CCDC85A: variants seen among roughly 807,000 people sequenced by gnomAD.
The protein encoded by CCDC85A is coiled-coil domain-containing protein 85A.
CCDC85A carries 38 observed loss-of-function variants against 50.2 expected under a neutral mutation model. The ratio of observed to expected loss-of-function variants is 0.76; its 90% CI spans 0.58 to 0.99. The LOEUF (loss-of-function observed/expected upper bound fraction) is 0.99, where lower values mean the gene tolerates loss of function less well. Among genes scored for constraint, CCDC85A ranks in the 50% least tolerant of loss-of-function variants. The pLI is 0.00. For synonymous variants in CCDC85A, 366 were observed against 301.4 expected, an observed-to-expected ratio of 1.21 and a Z score of -2.22; for missense variants, 820 against 742.0, an observed-to-expected ratio of 1.11 and a Z score of -1.22.
chr2:56,185,373 G>A (rs1286633931), intron 1 of CCDC85A, among the ~76,000 whole-genome samples: 5 of 152,064 alleles, frequency 3.3e-5, no homozygotes, highest in Admixed American at 6.5e-5. Context: ...AGGGAGAGCG[G>A]CTGGCGGGGC....
chr2:56,339,922 C>A (rs749521008), intron 2 of CCDC85A, among the ~76,000 whole-genome samples: 4 of 152,074 alleles, frequency 2.6e-5, no homozygotes, highest in Non-Finnish European at 5.9e-5. Context: ...TTGGAAGAGT[C>A]CATAAAGCAG....
At chr2:56,285,071 A>G (rs1035655983) in intron 2 of CCDC85A, among the ~76,000 whole-genome samples, 3 of 151,256 alleles carry the variant, frequency 2.0e-5, no homozygotes, top group South Asian at 2.1e-4. Context: ...TGCTTTTTGA[A>G]TAGAGTTTTG....
intron 2 of CCDC85A, among the ~76,000 whole-genome samples, chr2:56,214,574 TG>T (rs1677316010): frequency 6.6e-6 from 1 of 150,914 alleles, no homozygotes; most frequent in South Asian, 2.1e-4. Context: ...AATAATTGTG[TG>T]TTTTTTTTGG....
intron 2 of CCDC85A, among the ~76,000 whole-genome samples, chr2:56,313,490 G>C (rs1672786428): frequency 6.6e-6 from 1 of 152,050 alleles, no homozygotes; most frequent in Admixed American, 6.6e-5. Context: ...TTGATTTTAG[G>C]CCAGTCAAGC....
At chr2:56,383,640 TG>T in intron 5 of CCDC85A, 1 of 985,128 alleles carries the variant, frequency 1.0e-6, no homozygotes. Context: ...TCATATTGCT[TG>T]GTAGCTAAGA....
chr2:56,184,334 C>G lies in CCDC85A; in HGVS notation c.-291C>G. On this transcript the variant is annotated 5_prime_UTR_variant, in exon 1 of 6. Coordinates refer to ENST00000407595, the MANE Select transcript of CCDC85A (RefSeq NM_001080433.2). ...CCCCGAGGATTTCCCGCGGCAGCCC[C>G]GGGCTCCCCAGTGCCCCTCACCATG... The G allele has an allele frequency of 1.1e-5, 6 of 545,510 alleles. No homozygotes were observed. The highest frequency in any genetic ancestry group is 1.5e-5 in the Non-Finnish European group (6 of 392,196). 33.8% of individuals were successfully genotyped at this position (545,510 alleles called of 1,614,324 possible).
intron 2 of CCDC85A, among the ~76,000 whole-genome samples, chr2:56,248,311 C>T (rs1262076535): frequency 6.6e-6 from 1 of 152,162 alleles, no homozygotes; most frequent in Non-Finnish European, 1.5e-5. Flanking sequence ...TCCAGCCTTG[C>T]TTACTTCTGT....
intron 2 of CCDC85A, among the ~76,000 whole-genome samples, chr2:56,305,103 A>C (rs75605372): frequency 9.0e-6 from 1 of 111,024 alleles, no homozygotes; most frequent in East Asian, 2.0e-4. Flanking sequence ...ACTCTGCCTC[A>C]AAAAAAAAAA....
intron 2 of CCDC85A, among the ~76,000 whole-genome samples, chr2:56,245,946 T>A (rs1183248948): frequency 6.6e-6 from 1 of 152,198 alleles, no homozygotes; most frequent in Non-Finnish European, 1.5e-5. Context: ...TTACCGAGTC[T>A]CAGGTATTCT....
intron 2 of CCDC85A, among the ~76,000 whole-genome samples, chr2:56,342,511 A>G (rs1377557012): frequency 4.6e-5 from 7 of 152,124 alleles, no homozygotes; most frequent in Admixed American, 4.6e-4. Flanking sequence ...TGCTTCTCTT[A>G]GGTTTATTTG....
intron 2 of CCDC85A, among the ~76,000 whole-genome samples, chr2:56,206,905 A>T (rs1676985249): frequency 1.3e-5 from 2 of 152,188 alleles, no homozygotes; most frequent in Non-Finnish European, 2.9e-5. Context: ...TGAAGGAGTC[A>T]TCAGTTAAGA....
chr2:56,385,296 T>A lies in CCDC85A; in HGVS notation c.*941T>A, dbSNP rs1406797930. The A allele has an allele frequency of 6.6e-6, 1 of 152,400 alleles. No homozygotes were observed. Among genetic ancestry groups the A allele is most frequent in the South Asian group, 2.1e-4 (1 of 4,828 alleles). 9.4% of individuals were successfully genotyped at this position (152,400 alleles called of 1,614,324 possible). On this transcript the variant is annotated 3_prime_UTR_variant, in exon 6 of 6. Transcript: ENST00000407595. ...ATTGCACTGCATTTATGAAAAAAGC[T>A]TTCTTTGCCTACTGCAGCTATCTAA...
chr2:56,363,107 A>AT (rs906932746), intron 3 of CCDC85A, among the ~76,000 whole-genome samples: 10 of 152,034 alleles, frequency 6.6e-5, no homozygotes, highest in Non-Finnish European at 1.2e-4. Context: ...TTTCCATCGT[A>AT]TTTTTTTTAT....
rs752700528 is a variant in CCDC85A, at chr2:56,192,865, C to G, written c.665C>G (p.Pro222Arg). 15 of 1,612,968 alleles carry G rather than the reference C, an allele frequency of 9.3e-6. No homozygotes were observed. Among genetic ancestry groups the G allele is most frequent in the Non-Finnish European group, 1.2e-5 (14 of 1,179,592 alleles). Residue 222 changes from proline (P) to arginine (R), a missense_variant, in exon 2 of 6, where the codon CCG (proline) becomes CGG (arginine). Transcript: ENST00000407595. This position sits in a 1 kb window ranked among gnomAD's most constrained non-coding sequence, Gnocchi z 4.7. ...STSSTGSTDS[P>R]DHHKHHASSG... is the part of the protein sequence containing the mutation. ...TCCAGCACTGGCAGCACTGACAGCC[C>G]GGACCACCACAAGCACCACGCGAGC...
chr2:56,380,813 T>A (rs1428527230), intron 5 of CCDC85A, among the ~76,000 whole-genome samples: 4 of 152,214 alleles, frequency 2.6e-5, no homozygotes, highest in East Asian at 1.9e-4. Flanking sequence ...AAATGGAATA[T>A]TATAGAGGAA....
At chr2:56,313,394 G>T (rs1291788488) in intron 2 of CCDC85A, among the ~76,000 whole-genome samples, 2 of 152,062 alleles carry the variant, frequency 1.3e-5, no homozygotes, top group African/African-American at 2.4e-5. Flanking sequence ...TTCAGTAAAG[G>T]TAATTGAATC....
intron 3 of CCDC85A, among the ~76,000 whole-genome samples, chr2:56,348,636 A>G (rs908102790): frequency 6.6e-6 from 1 of 152,216 alleles, no homozygotes; most frequent in Non-Finnish European, 1.5e-5. Context: ...AGTGCTGAGA[A>G]GGGTACGTAG....
intron 2 of CCDC85A, among the ~76,000 whole-genome samples, chr2:56,268,937 T>C (rs1212882241): frequency 6.6e-6 from 1 of 152,188 alleles, no homozygotes; most frequent in Non-Finnish European, 1.5e-5. Flanking sequence ...TGCGTACATT[T>C]TTAGGATTGC....
intron 2 of CCDC85A, among the ~76,000 whole-genome samples, chr2:56,325,715 TTCTG>T (rs1054778113): frequency 6.6e-6 from 1 of 152,134 alleles, no homozygotes; most frequent in African/African-American, 2.4e-5. Context: ...TGTCATTGTC[TTCTG>T]TCTACCTCTG....
Sources: gnomAD v4.1 joint callset for allele counts (sites outside exome capture counted in the v4.1 genomes callset) on GRCh38, gnomAD v4.1.1 for gene constraint, Gnocchi (gnomAD v3.1) non-coding constraint, MANE v1.5 for transcripts, NCBI Gene and HGNC (gene_info 2026-07-23, HGNC 2026-07-21) for gene names.